The following CCSER1 variants were observed in gnomAD, a reference collection of about 807,000 sequenced individuals.
The protein encoded by CCSER1 is coiled-coil serine rich protein 1.
In CCSER1, 41 loss-of-function variants were observed where a neutral mutation model predicts 82.0. The observed-to-expected ratio is 0.50, with a 90% CI of 0.39 to 0.65. CCSER1 has a LOEUF of 0.65. Among genes scored for constraint, CCSER1 ranks in the 30% least tolerant of loss-of-function variants. CCSER1 has a pLI of 0.00. For synonymous variants in CCSER1, 414 were observed against 383.9 expected, an observed-to-expected ratio of 1.08 and a Z score of -0.92; for missense variants, 1,119 against 1,064.2, an observed-to-expected ratio of 1.05 and a Z score of -0.72.
chr4:91,458,257 C>T (rs1756306265), intron 10 of CCSER1, among the ~76,000 whole-genome samples: 1 of 152,076 alleles, frequency 6.6e-6, no homozygotes, highest in Non-Finnish European at 1.5e-5. Flanking sequence ...AGAGACTCTT[C>T]CCCAATGTCC....
intron 1 of CCSER1, among the ~76,000 whole-genome samples, chr4:90,256,127 T>A (rs1448633925): frequency 6.6e-6 from 1 of 152,178 alleles, no homozygotes; most frequent in Admixed American, 6.6e-5. Context: ...AAAGAGCATG[T>A]TTATTGACCC....
intron 10 of CCSER1, among the ~76,000 whole-genome samples, chr4:91,148,391 G>A (rs1729760944): frequency 1.3e-5 from 2 of 151,784 alleles, no homozygotes; most frequent in African/African-American, 2.4e-5. Flanking sequence ...ATTCTTGTGG[G>A]AATAGATTAA....
chr4:90,945,917 T>C (rs905630065), intron 9 of CCSER1, among the ~76,000 whole-genome samples: 2 of 152,188 alleles, frequency 1.3e-5, no homozygotes, highest in Non-Finnish European at 2.9e-5. Flanking sequence ...TTACTCTATA[T>C]GATTTCCTTT....
intron 10 of CCSER1, among the ~76,000 whole-genome samples, chr4:91,348,484 T>C (rs1748226636): frequency 6.6e-6 from 1 of 152,208 alleles, no homozygotes; most frequent in South Asian, 2.1e-4. Flanking sequence ...AATGATGGCC[T>C]AGAAGAATGA....
At chr4:91,357,887 CT>C (rs77874106) in intron 10 of CCSER1, among the ~76,000 whole-genome samples, 49 of 55,156 alleles carry the variant, frequency 8.9e-4, no homozygotes, top group Middle Eastern at 9.3e-3. Flanking sequence ...CCCCCCCCCC[CT>C]TTTTTTTTTT....
At chr4:91,289,067 A>G (rs1010410513) in intron 10 of CCSER1, among the ~76,000 whole-genome samples, 5 of 152,044 alleles carry the variant, frequency 3.3e-5, no homozygotes, top group South Asian at 2.1e-4. Context: ...CAAAGGAGGG[A>G]CTTACATCAG....
intron 5 of CCSER1, among the ~76,000 whole-genome samples, chr4:90,550,913 C>A (rs2153640525): frequency 6.6e-6 from 1 of 152,196 alleles, no homozygotes; most frequent in South Asian, 2.1e-4. Context: ...CAAATATTAT[C>A]TGAATATGAA....
intron 5 of CCSER1, among the ~76,000 whole-genome samples, chr4:90,517,172 A>T (rs1006605068): frequency 8.5e-5 from 13 of 152,208 alleles, no homozygotes; most frequent in Non-Finnish European, 1.5e-4. Context: ...ATTTTATAAT[A>T]AAGTTTGAGT....
intron 10 of CCSER1, among the ~76,000 whole-genome samples, chr4:91,179,036 AT>A (rs1733717720): frequency 6.6e-6 from 1 of 152,156 alleles, no homozygotes; most frequent in Non-Finnish European, 1.5e-5. Flanking sequence ...TCTGTAAAGA[AT>A]TTTATTTCTC....
intron 10 of CCSER1, among the ~76,000 whole-genome samples, chr4:91,128,606 C>A (rs150159285): frequency 1.6e-4 from 24 of 152,004 alleles, no homozygotes; most frequent in South Asian, 4.1e-4. Flanking sequence ...CTAATCCTAA[C>A]GGCAAAATCA....
At chr4:91,373,799 C>T (rs1750205755) in intron 10 of CCSER1, among the ~76,000 whole-genome samples, 1 of 152,078 alleles carries the variant, frequency 6.6e-6, no homozygotes. Context: ...TTTCTTGCAC[C>T]AGCAATTAGC....
intron 1 of CCSER1, among the ~76,000 whole-genome samples, chr4:90,184,730 TG>T (rs1462726345): frequency 1.3e-5 from 2 of 152,016 alleles, no homozygotes. Context: ...TCTGGACTCC[TG>T]GGGTGAGAAG....
At chr4:90,183,359 T>G (rs1340881245) in intron 1 of CCSER1, among the ~76,000 whole-genome samples, 9 of 152,178 alleles carry the variant, frequency 5.9e-5, no homozygotes, top group Admixed American at 5.2e-4. Flanking sequence ...TGAAACCTGA[T>G]AAAGGTTTAG....
chr4:91,054,060 C>T (rs1743227456), intron 9 of CCSER1, among the ~76,000 whole-genome samples: 1 of 152,188 alleles, frequency 6.6e-6, no homozygotes, highest in Non-Finnish European at 1.5e-5. Flanking sequence ...CAAGTGGTAT[C>T]ACTGGGTTAT....
chr4:90,536,161 T>C (rs184429827), intron 5 of CCSER1, among the ~76,000 whole-genome samples: 7 of 150,808 alleles, frequency 4.6e-5, no homozygotes, highest in East Asian at 2.0e-4. Context: ...GCCTCCAGAG[T>C]AGCTGGGATT....
chr4:90,203,778 C>A (rs1328923334), intron 1 of CCSER1, among the ~76,000 whole-genome samples: 2 of 152,164 alleles, frequency 1.3e-5, no homozygotes, highest in Non-Finnish European at 2.9e-5. Context: ...CTGTCTTCCA[C>A]AATGGTTGAA....
At chr4:91,454,639 C>G (rs1024822921) in intron 10 of CCSER1, among the ~76,000 whole-genome samples, 1 of 151,896 alleles carries the variant, frequency 6.6e-6, no homozygotes, top group Non-Finnish European at 1.5e-5. Flanking sequence ...ATGTCTGAAA[C>G]AGCTTGTTAA....
chr4:90,243,050 TTCTC>T (rs763068088), intron 1 of CCSER1, among the ~76,000 whole-genome samples: 2 of 148,840 alleles, frequency 1.3e-5, no homozygotes, highest in East Asian at 2.1e-4. Context: ...TCTCTCTCTT[TTCTC>T]TCTCTCTCTT....
intron 10 of CCSER1, among the ~76,000 whole-genome samples, chr4:91,582,408 T>C (rs1236084609): frequency 6.6e-6 from 1 of 151,590 alleles, no homozygotes; most frequent in Non-Finnish European, 1.5e-5. Context: ...TTTTGCCTGA[T>C]TGAAATGACA....
Sources: allele counts gnomAD v4.1 joint callset (sites outside exome capture counted in the v4.1 genomes callset), GRCh38; gene constraint gnomAD v4.1.1; transcripts MANE v1.5; gene names NCBI Gene and HGNC (gene_info 2026-07-23, HGNC 2026-07-21).